DDR1: variants seen among roughly 807,000 people sequenced by gnomAD.
DDR1 encodes the protein epithelial discoidin domain-containing receptor 1.
In DDR1, 64 loss-of-function variants were observed where a neutral mutation model predicts 97.4. The observed-to-expected ratio is 0.66, with a 90% CI of 0.54 to 0.81. DDR1 has a LOEUF of 0.81. DDR1 is among the 30% of genes least tolerant of loss of function. DDR1 has a pLI of 0.00. For synonymous variants in DDR1, 458 were observed against 503.7 expected, an observed-to-expected ratio of 0.91 and a Z score of 1.21; for missense variants, 990 against 1,259.6, an observed-to-expected ratio of 0.79 and a Z score of 3.24.
At chr6:30,895,863 G>T (rs1364971389) in intron 12 of DDR1, among the ~76,000 whole-genome samples, 1 of 152,138 alleles carries the variant, frequency 6.6e-6, no homozygotes, top group Non-Finnish European at 1.5e-5. Flanking sequence ...GAGCTGCGAG[G>T]AGGAGGGCTC....
Position 30,897,271 on chromosome 6 carries a change from G to C in DDR1, c.1998-108G>C, listed in dbSNP as rs996050750. The C allele has an allele frequency of 9.5e-6, 14 of 1,466,018 alleles. No individual in the cohort carries two copies. The African/African-American group carries it at 1.1e-4, about 12-fold the overall frequency. 90.8% of individuals were successfully genotyped at this position (1,466,018 alleles called of 1,614,324 possible). A position where few individuals can be genotyped will look rare whatever the true frequency, so the allele number is the denominator to read the frequency against. ...TGGGAGGGGATTTACATGTACGCTG[G>C]GGGTGGGGACGCCTGGTCTGCCTGA... On this transcript the variant is annotated intron_variant, in intron 14 of 17. Coordinates refer to ENST00000376568, the MANE Select transcript of DDR1 (RefSeq NM_001297654.2). This position sits in a 1 kb window ranked among gnomAD's most constrained non-coding sequence, Gnocchi z 5.2.
In DDR1 at chr6:30,892,415, C is replaced by T. The variant is rs1233694205; in HGVS notation, c.972C>T (p.Gly324=). 2.5e-6 allele frequency: 4 copies of T among 1,603,822 alleles called. No individual in the cohort carries two copies. The highest frequency in any genetic ancestry group is 1.3e-5 in the African/African-American group (1 of 74,862). ...EGEPMRHNLG[G]NLGDPRARAV... ...AGCCCATGCGCCACAACCTAGGGGGCAACCTGGGGGACCCCAGAGCCCGGG... is the reference window on the plus strand; with the variant it reads ...AGCCCATGCGCCACAACCTAGGGGGTAACCTGGGGGACCCCAGAGCCCGGG... Residue 324 remains glycine (G), a synonymous_variant, in exon 8 of 18, where the codon GGC becomes GGT. Transcript: ENST00000376568.
upstream of DDR1, chr6:30,881,456 C>T (rs1046515365): frequency 2.0e-5 from 3 of 152,338 alleles, no homozygotes; most frequent in Non-Finnish European, 4.4e-5. Flanking sequence ...CTCATCTCCC[C>T]GTGTCCCTTA....
chr6:30,891,513 G>A lies in DDR1; in HGVS notation c.665+34G>A. 7.1e-7 allele frequency: 1 copy of A among 1,409,448 alleles called. No homozygotes were observed. The highest frequency in any genetic ancestry group is 9.9e-7 in the Non-Finnish European group (1 of 1,013,620). The allele number at this position is 1,409,448 out of a possible 1,614,324, so 87.3% of individuals were successfully genotyped here. A position where few individuals can be genotyped will look rare whatever the true frequency, so the allele number is the denominator to read the frequency against. The stretch of plus-strand genomic sequence containing the variant: ...GGCCCCTGCAGGATATGGAGTTTGG[G>A]GTGGGAGGGAGGACTGTGTGTGTGT... On this transcript the variant is annotated intron_variant, in intron 6 of 17. Coordinates refer to ENST00000376568, the MANE Select transcript of DDR1 (RefSeq NM_001297654.2). This position sits in a 1 kb window ranked among gnomAD's most constrained non-coding sequence, Gnocchi z 5.3.
rs1032979211 is a variant in DDR1 at position 30,894,020 on chromosome 6, C to G, written c.1348-486C>G. ...ATCCTAGCACTTTGGGAGGCCGAGG[C>G]GGGAGGATCACCTGAGGTCAAGAGT... On this transcript the variant is annotated intron_variant, in intron 10 of 17. Transcript: ENST00000376568. This position sits in a 1 kb window ranked among gnomAD's most constrained non-coding sequence, Gnocchi z 5.7. 1.3e-5 allele frequency among the ~76,000 whole-genome samples: 2 copies of G among 152,074 alleles called. No homozygotes were observed. The highest frequency in any genetic ancestry group is 2.4e-5 in the African/African-American group (1 of 41,400).
Position 30,891,447 on chromosome 6 carries a change from C to T in DDR1, c.633C>T (p.Asn211=), listed in dbSNP as rs150954035. The T allele has an allele frequency of 2.0e-5, 33 of 1,612,810 alleles. No individual in the cohort carries two copies. The highest frequency in any genetic ancestry group is 2.5e-5 in the Non-Finnish European group (30 of 1,179,990). The change falls in exon 6 of 18, where the codon AAC becomes AAT. Residue 211 remains asparagine, a synonymous_variant. Transcript: ENST00000376568. The surrounding 1 kb of genome is among the most constrained non-coding windows in gnomAD (Gnocchi z 5.3). ...ATTTATCTGAGGCCGTGTACCTCAA[C>T]GACTCCACCTATGACGGACATACCG... ...TMYLSEAVYL[N]DSTYDGHTVG...
rs1792150142 is a variant in DDR1, at chr6:30,899,325, G to A, written c.*29G>A. On this transcript the variant is annotated 3_prime_UTR_variant, in exon 18 of 18. Transcript: ENST00000376568. ...ACACATCCAGCTGCCCCTCCCTCAGGGAGCGATCCAGGGGAAGCCAGTGAC... is the reference window on the plus strand; with the variant it reads ...ACACATCCAGCTGCCCCTCCCTCAGAGAGCGATCCAGGGGAAGCCAGTGAC... The A allele has an allele frequency of 6.3e-7, 1 of 1,592,550 alleles. No homozygotes were observed. The highest frequency in any genetic ancestry group is 1.3e-5 in the African/African-American group (1 of 74,512).
In DDR1 at chr6:30,893,407, G is replaced by T; in HGVS notation, c.1331G>T (p.Arg444Leu). The change falls in exon 10 of 18, where the codon CGC becomes CTC. Residue 444 changes from arginine to leucine, a missense_variant. By Grantham distance (102) the Arg-to-Leu change is moderately radical. Coordinates refer to ENST00000376568, the MANE Select transcript of DDR1 (RefSeq NM_001297654.2). ...IALMLWRLHW[R>L]RLLSKAERRV... ...CTCATGCTCTGGCGGCTGCACTGGC[G>T]CAGGCTCCTCAGCAAGGTGGGCACA... 1 of 1,604,642 alleles carries T rather than the reference G, an allele frequency of 6.2e-7. No individual in the cohort carries two copies. Among genetic ancestry groups the T allele is most frequent in the Non-Finnish European group, 8.5e-7 (1 of 1,179,576 alleles).
At position 30,898,081 on chromosome 6, in the gene DDR1, T is replaced by A. The variant is rs769099381; in HGVS notation, c.2225T>A (p.Met742Lys). 17 of 1,613,606 alleles carry A rather than the reference T, an allele frequency of 1.1e-5. No homozygotes were observed. The South Asian group carries it at 1.9e-4, about 18-fold the overall frequency. ...AAQGPTISYPMLLHVAAQIAS... is the reference protein window; with the variant it reads ...AAQGPTISYPKLLHVAAQIAS... ...GTCGGTTCCCTTCTCAGCTACCCAA[T>A]GCTGCTGCATGTGGCAGCCCAGATC... The change falls in exon 16 of 18, where the codon ATG (methionine) becomes AAG (lysine). Residue 742 changes from methionine to lysine, a missense_variant. By Grantham distance (95) the Met-to-Lys change is moderately conservative. Coordinates refer to ENST00000376568, the MANE Select transcript of DDR1 (RefSeq NM_001297654.2).
chr6:30,895,262 C>T (rs2150401969), intron 11 of DDR1, 142 bp from the exon 12 acceptor site: 2 of 637,996 alleles, frequency 3.1e-6, no homozygotes, highest in South Asian at 4.1e-5. Context: ...GTCCGTCACT[C>T]TGCAGATCCT....
intron 11 of DDR1, 64 bp from the exon 12 acceptor site, chr6:30,895,340 C>T (rs1263161168): frequency 1.6e-6 from 2 of 1,258,696 alleles, no homozygotes; most frequent in Non-Finnish European, 2.3e-6. Flanking sequence ...TTCAAGGTCT[C>T]CCTGTCTGTC....
In DDR1 at chr6:30,898,080, A is replaced by G. The variant is rs779052880; in HGVS notation, c.2224A>G (p.Met742Val). The change falls in exon 16 of 18, where the codon ATG (methionine) becomes GTG (valine). Residue 742 changes from methionine to valine, a missense_variant. Met to Val is a conservative substitution (Grantham distance 21). Coordinates refer to ENST00000376568, the MANE Select transcript of DDR1 (RefSeq NM_001297654.2). ...TGTCGGTTCCCTTCTCAGCTACCCA[A>G]TGCTGCTGCATGTGGCAGCCCAGAT... ...AAQGPTISYP[M>V]LLHVAAQIAS... The G allele has an allele frequency of 1.9e-6, 3 of 1,613,588 alleles. No individual in the cohort carries two copies. Among genetic ancestry groups the G allele is most frequent in the Non-Finnish European group, 2.5e-6 (3 of 1,179,566 alleles).
Position 30,889,295 on chromosome 6 carries a change from G to C in DDR1, c.282G>C (p.Leu94=), listed in dbSNP as rs2229933. Residue 94 remains leucine, a synonymous_variant, in exon 4 of 18, where the codon CTG becomes CTC. Transcript: ENST00000376568. The surrounding 1 kb of genome is among the most constrained non-coding windows in gnomAD (Gnocchi z 4.9). ...ACTTGCAGGTGGATCTACAACGACT[G>C]CACCTGGTGGCTCTGGTGGGCACCC... is the stretch of plus-strand genomic sequence containing the variant. ...EEYLQVDLQR[L]HLVALVGTQG... The C allele has an allele frequency of 0.23, 368,322 of 1,612,500 alleles. 53,098 individuals are homozygous for C. Among genetic ancestry groups the C allele is most frequent in the East Asian group, 0.58 (26,151 of 44,850 alleles).
chr6:30,891,036 G>A lies in DDR1; in HGVS notation c.481G>A (p.Ala161Thr), dbSNP rs768519318. 4.3e-6 allele frequency: 7 copies of A among 1,613,034 alleles called. No individual in the cohort carries two copies. In the East Asian group the frequency reaches 6.7e-5, roughly 15 times the overall value. Reference sequence around the variant, plus strand: ...GAAGGACCTTGGGCCCCCCATGGTTGCCCGACTGGTTCGCTTCTACCCCCG... The same window carrying A: ...GAAGGACCTTGGGCCCCCCATGGTTACCCGACTGGTTCGCTTCTACCCCCG... Reference protein sequence around the residue: ...VLKDLGPPMVARLVRFYPRAD... With the variant: ...VLKDLGPPMVTRLVRFYPRAD... The change falls in exon 5 of 18, where the codon GCC becomes ACC. Residue 161 changes from alanine to threonine, a missense_variant. Transcript: ENST00000376568. The surrounding 1 kb of genome is among the most constrained non-coding windows in gnomAD (Gnocchi z 5.3).
Position 30,897,300 on chromosome 6 carries a change from G to T in DDR1, c.1998-79G>T. 6.8e-7 allele frequency: 1 copy of T among 1,463,220 alleles called. No individual in the cohort carries two copies. 90.6% of individuals were successfully genotyped at this position (1,463,220 alleles called of 1,614,324 possible). A position where few individuals can be genotyped will look rare whatever the true frequency, so the allele number is the denominator to read the frequency against. On this transcript the variant is annotated intron_variant, in intron 14 of 17. Coordinates refer to ENST00000376568, the MANE Select transcript of DDR1 (RefSeq NM_001297654.2). The surrounding 1 kb of genome is among the most constrained non-coding windows in gnomAD (Gnocchi z 5.2). ...TGGGGACGCCTGGTCTGCCTGAGGTGGGGCAGGGGGGTGGGGGCGCGGGGG... is the reference window on the plus strand; with the variant it reads ...TGGGGACGCCTGGTCTGCCTGAGGTTGGGCAGGGGGGTGGGGGCGCGGGGG...
In DDR1 at chr6:30,898,911, C is replaced by T. The variant is rs1027569620; in HGVS notation, c.2475C>T (p.Asp825=). ...ILMGKFTTAS[D]VWAFGVTLWE... The stretch of plus-strand genomic sequence containing the variant: ...AGGGGAAGTTCACGACTGCGAGTGA[C>T]GTGTGGGCCTTTGGTGTGACCCTGT... The change falls in exon 17 of 18, where the codon GAC becomes GAT. Residue 825 remains aspartate (D), a synonymous_variant. Transcript: ENST00000376568. 14 of 1,611,100 alleles carry T rather than the reference C, an allele frequency of 8.7e-6. No individual in the cohort carries two copies. Among genetic ancestry groups the T allele is most frequent in the Admixed American group, 1.7e-5 (1 of 59,900 alleles).
rs1287642727 is a variant in DDR1 at position 30,899,674 on chromosome 6, A to C, written c.*378A>C. ...CCCACTGGACAACACTGATTCCTGG[A>C]GAGGTGGCTGCGCCCCCAGCTTCTC... is the stretch of plus-strand genomic sequence containing the variant. On this transcript the variant is annotated 3_prime_UTR_variant, in exon 18 of 18. Coordinates refer to ENST00000376568, the MANE Select transcript of DDR1 (RefSeq NM_001297654.2). 2.7e-6 allele frequency: 1 copy of C among 370,774 alleles called. No homozygotes were observed. The highest frequency in any genetic ancestry group is 4.4e-5 in the South Asian group (1 of 22,714). 23.0% of individuals were successfully genotyped at this position (370,774 alleles called of 1,614,324 possible).
intron 1 of DDR1, among the ~76,000 whole-genome samples, chr6:30,887,602 G>A (rs191558327): frequency 4.7e-4 from 72 of 152,190 alleles, no homozygotes; most frequent in African/African-American, 1.6e-3. Flanking sequence ...ACAAAGTTAG[G>A]AATATATTGC....
chr6:30,891,258 C>T lies in DDR1; in HGVS notation c.566-122C>T, dbSNP rs117644703. 207 of 1,432,990 alleles carry T rather than the reference C, an allele frequency of 1.4e-4. No homozygotes were observed. The East Asian group carries it at 4.3e-3, about 30-fold the overall frequency. The allele number at this position is 1,432,990 out of a possible 1,614,324, so 88.8% of individuals were successfully genotyped here. A position where few individuals can be genotyped will look rare whatever the true frequency, so the allele number is the denominator to read the frequency against. On this transcript the variant is annotated intron_variant, in intron 5 of 17. Transcript: ENST00000376568. The surrounding 1 kb of genome is among the most constrained non-coding windows in gnomAD (Gnocchi z 5.3). ...AGGAGGGGGCTAGCCAGCATTGTCT[C>T]CTCCATGCCAATGAGCCAGTGGAGA...
Sources: allele counts gnomAD v4.1 joint callset (sites outside exome capture counted in the v4.1 genomes callset), GRCh38; gene constraint gnomAD v4.1.1; non-coding constraint Gnocchi (gnomAD v3.1); transcripts MANE v1.5; gene names NCBI Gene and HGNC (gene_info 2026-07-23, HGNC 2026-07-21).